The following TAF4 variants were observed in gnomAD, a reference collection of about 807,000 sequenced individuals.
TAF4 encodes the protein TATA-box binding protein associated factor 4.
Under a neutral mutation model 90.3 loss-of-function variants are expected in TAF4, and 9 were observed. The observed-to-expected ratio is 0.10, with a 90% CI of 0.06 to 0.17. TAF4 has a LOEUF of 0.17. Ranked by LOEUF, TAF4 falls within the 10% of genes least tolerant of loss-of-function variation. The pLI, the probability that TAF4 is intolerant of heterozygous loss-of-function variation, is 1.00. For synonymous variants in TAF4, 818 were observed against 638.9 expected (o/e 1.28, Z -4.23); for missense variants, 1,351 against 1,370.7 (o/e 0.99, Z 0.23).
Position 61,976,308 on chromosome 20 carries a change from C to T in TAF4, c.3118G>A (p.Gly1040Ser), listed in dbSNP as rs1207852070. 1 of 1,613,734 alleles carries T rather than the reference C, an allele frequency of 6.2e-7. No homozygotes were observed. Among genetic ancestry groups the T allele is most frequent in the Non-Finnish European group, 8.5e-7 (1 of 1,180,024 alleles). ...EGSGPGSVVP[G>S]SSGVGTPRQF... ...CTGGGGGTTCCGACACCCGAGCTGC[C>T]TGGGACCACTGAGCCGGGGCCCGAC... The change falls in exon 15 of 15, where the codon GGC (glycine) becomes AGC (serine). Residue 1040 changes from glycine to serine, a missense_variant. This residue lies in a region of TAF4 where 48 missense variants were observed against 50.6 expected (regional missense o/e 0.95). Coordinates refer to ENST00000252996, the MANE Select transcript of TAF4 (RefSeq NM_003185.4).
chr20:62,018,548 C>A (rs1203451721), intron 1 of TAF4, among the ~76,000 whole-genome samples: 1 of 151,902 alleles, frequency 6.6e-6, no homozygotes, highest in Non-Finnish European at 1.5e-5. Flanking sequence ...GCAGGGTACA[C>A]GTGGCAGGTG....
At chr20:62,047,042 A>AT (rs1396363689) in intron 1 of TAF4, among the ~76,000 whole-genome samples, 1 of 152,228 alleles carries the variant, frequency 6.6e-6, no homozygotes, top group African/African-American at 2.4e-5. Context: ...TCAACCAGCA[A>AT]AAGTTTTCCT....
chr20:62,006,742 A>G lies in TAF4; in HGVS notation c.1991T>C (p.Leu664Ser). The change falls in exon 7 of 15, where the codon TTG becomes TCG. Residue 664 changes from leucine (L) to serine (S), a missense_variant. Physicochemically the swap from Leu to Ser is moderately radical, Grantham distance 145. Transcript: ENST00000252996. The surrounding 1 kb of genome is among the most constrained non-coding windows in gnomAD (Gnocchi z 7.0). ...VPFLKRSLPALRQLTPDSAAF... is the reference protein window; with the variant it reads ...VPFLKRSLPASRQLTPDSAAF... ...CGCGGAGTCGGGGGTCAGCTGTCTC[A>G]AGGCGGGTAAGCTCCTCTGGGTGGA... is the stretch of plus-strand genomic sequence containing the variant. 1 of 1,528,470 alleles carries G rather than the reference A, an allele frequency of 6.5e-7. No individual in the cohort carries two copies. Among genetic ancestry groups the G allele is most frequent in the East Asian group, 2.4e-5 (1 of 41,622 alleles). 94.7% of individuals were successfully genotyped at this position (1,528,470 alleles called of 1,614,324 possible). A position where few individuals can be genotyped will look rare whatever the true frequency, so the allele number is the denominator to read the frequency against.
At chr20:62,056,479 G>C (rs528423653) in intron 1 of TAF4, among the ~76,000 whole-genome samples, 9 of 152,226 alleles carry the variant, frequency 5.9e-5, no homozygotes, top group Non-Finnish European at 8.8e-5. Context: ...CAACCCACCA[G>C]ACACACACAC....
intron 14 of TAF4, among the ~76,000 whole-genome samples, chr20:61,996,795 CAAAAAAAAAA>C (rs752885979): frequency 3.8e-5 from 3 of 79,176 alleles, no homozygotes; most frequent in African/African-American, 1.4e-4. Context: ...AAGACTGTCT[CAAAAAAAAAA>C]AAAAAAAAGA....
At chr20:62,044,001 C>T (rs901995836) in intron 1 of TAF4, among the ~76,000 whole-genome samples, 3 of 152,328 alleles carry the variant, frequency 2.0e-5, no homozygotes, top group African/African-American at 7.2e-5. Flanking sequence ...AATGCAAAGA[C>T]CACCCTGCCT....
chr20:61,993,071 C>T (rs1298503076), intron 14 of TAF4, among the ~76,000 whole-genome samples: 1 of 152,220 alleles, frequency 6.6e-6, no homozygotes, highest in Non-Finnish European at 1.5e-5. Context: ...CCTGCGTCTC[C>T]TCTATGAGCT....
chr20:62,040,751 G>A (rs1178335688), intron 1 of TAF4, among the ~76,000 whole-genome samples: 2 of 152,232 alleles, frequency 1.3e-5, no homozygotes, highest in Non-Finnish European at 2.9e-5. Context: ...TAAATTCGCA[G>A]AGCCGCTCAG....
At chr20:62,063,807 C>T (rs1313505610) in intron 1 of TAF4, among the ~76,000 whole-genome samples, 1 of 152,260 alleles carries the variant, frequency 6.6e-6, no homozygotes, top group Non-Finnish European at 1.5e-5. Context: ...GGCTGCGCGC[C>T]GGGAGGACTC....
Position 62,064,525 on chromosome 20 carries a change from G to C in TAF4, c.1286C>G (p.Pro429Arg). Residue 429 changes from proline to arginine, a missense_variant, in exon 1 of 15, where the codon CCC (proline) becomes CGC (arginine). Physicochemically the swap from Pro to Arg is moderately radical, Grantham distance 103. Coordinates refer to ENST00000252996, the MANE Select transcript of TAF4 (RefSeq NM_003185.4). ...CGGCAAGCGGGGGGCCAGCACGGTGGGCGTCAGGGTGGCCCGAATCCCGCT... is the reference window on the plus strand; with the variant it reads ...CGGCAAGCGGGGGGCCAGCACGGTGCGCGTCAGGGTGGCCCGAATCCCGCT... ...TTSGIRATLT[P>R]TVLAPRLPQP... 6.5e-7 allele frequency: 1 copy of C among 1,529,852 alleles called. No homozygotes were observed. Among genetic ancestry groups the C allele is most frequent in the Non-Finnish European group, 8.8e-7 (1 of 1,142,024 alleles). The allele number at this position is 1,529,852 out of a possible 1,614,324, so 94.8% of individuals were successfully genotyped here.
chr20:61,999,304 T>C (rs2055683687), intron 11 of TAF4, among the ~76,000 whole-genome samples, 196 bp from the exon 12 acceptor site: 1 of 152,134 alleles, frequency 6.6e-6, no homozygotes, highest in African/African-American at 2.4e-5. Context: ...CAGAACGAAG[T>C]CTCGTGTTGG....
chr20:61,989,793 G>A (rs1225602860), intron 14 of TAF4, among the ~76,000 whole-genome samples: 1 of 152,206 alleles, frequency 6.6e-6, no homozygotes, highest in Admixed American at 6.5e-5. Context: ...GTGAGTGAAC[G>A]AATCCATGAG....
chr20:62,065,108 C>CG lies in TAF4; in HGVS notation c.702dup (p.Gly235ArgfsTer227). On this transcript the variant is annotated frameshift_variant, in exon 1 of 15. Transcript: ENST00000252996. LOFTEE classifies it high-confidence loss of function. Reference sequence around the variant, plus strand: ...AAGGGGGGCGTCTGGATGACAGTGCCGGGGGCGGCGGGCTTGGGCAGCGGC... The same window carrying CG: ...AAGGGGGGCGTCTGGATGACAGTGCCGGGGGGCGGCGGGCTTGGGCAGCGGC... 2 of 1,097,178 alleles carry CG rather than the reference C, an allele frequency of 1.8e-6. No homozygotes were observed. The highest frequency in any genetic ancestry group is 2.2e-6 in the Non-Finnish European group (2 of 890,324). 68.0% of individuals were successfully genotyped at this position (1,097,178 alleles called of 1,614,324 possible). A position where few individuals can be genotyped will look rare whatever the true frequency, so the allele number is the denominator to read the frequency against.
chr20:61,990,715 G>A (rs368442311), intron 14 of TAF4, among the ~76,000 whole-genome samples: 49 of 152,338 alleles, frequency 3.2e-4, no homozygotes, highest in African/African-American at 9.9e-4. Context: ...GAGAGAACCT[G>A]CTGGGAGTGA....
At chr20:62,007,497 C>T (rs2055753879) in intron 6 of TAF4, 50 bp downstream of exon 6, 4 of 1,571,510 alleles carry the variant, frequency 2.5e-6, no homozygotes, top group Middle Eastern at 1.7e-4. Context: ...ATCTGCGCCC[C>T]ACCCCTCCCT....
chr20:61,992,086 G>A lies in TAF4; in HGVS notation c.3090+5464C>T, dbSNP rs190237937. ...TTGGGAGTGGCTGCTCCCATGAAGC[G>A]TTCCAAAAGAATCTAGCAGAGAATG... On this transcript the variant is annotated intron_variant, in intron 14 of 14. Transcript: ENST00000252996. Among the ~76,000 whole-genome samples, 22 of 152,260 alleles carry A rather than the reference G, an allele frequency of 1.4e-4. 1 individual carries two copies. The highest frequency in any genetic ancestry group is 9.2e-4 in the Admixed American group (14 of 15,298).
At chr20:62,056,278 C>T (rs1682860154) in intron 1 of TAF4, among the ~76,000 whole-genome samples, 1 of 152,144 alleles carries the variant, frequency 6.6e-6, no homozygotes, top group Non-Finnish European at 1.5e-5. Flanking sequence ...TACAAATAGG[C>T]ACAGTTGGCG....
intron 1 of TAF4, among the ~76,000 whole-genome samples, chr20:62,059,089 C>T (rs577785812): frequency 2.7e-4 from 41 of 152,352 alleles, no homozygotes; most frequent in African/African-American, 6.7e-4. Context: ...CCCTCACACG[C>T]GGTTCCCAAC....
intron 12 of TAF4, 111 bp downstream of exon 12, chr20:61,998,872 C>T: frequency 6.9e-7 from 1 of 1,441,090 alleles, no homozygotes; most frequent in Non-Finnish European, 9.4e-7. Flanking sequence ...TGCTTCAAGG[C>T]CAGCCCAAAA....
Sources: allele counts gnomAD v4.1 joint callset (sites outside exome capture counted in the v4.1 genomes callset), GRCh38; gene constraint gnomAD v4.1.1; regional missense constraint gnomAD v4.1.1; non-coding constraint Gnocchi (gnomAD v3.1); transcripts MANE v1.5; gene names NCBI Gene and HGNC (gene_info 2026-07-23, HGNC 2026-07-21).